ANK3: variants seen among roughly 807,000 people sequenced by gnomAD.
ANK3 encodes ankyrin-3.
ANK3 carries 57 observed loss-of-function variants against 370.9 expected under a neutral mutation model. The observed-to-expected ratio is 0.15, with a 90% CI of 0.12 to 0.19. ANK3 has a LOEUF of 0.19. Among genes scored for constraint, ANK3 ranks in the 10% least tolerant of loss-of-function variants. The pLI, the probability that ANK3 is intolerant of heterozygous loss-of-function variation, is 1.00. For missense variants in ANK3, 4,439 were observed against 5,302.1 expected, an observed-to-expected ratio of 0.84 and a Z score of 5.06; for synonymous variants, 1,929 against 1,946.3, an observed-to-expected ratio of 0.99 and a Z score of 0.23.
At chr10:60,477,258 C>T (rs375902531) in intron 2 of ANK3, among the ~76,000 whole-genome samples, 9 of 151,790 alleles carry the variant, frequency 5.9e-5, no homozygotes, top group East Asian at 3.9e-4. Context: ...GAGTAAGAAG[C>T]GTAAGGGGAA....
intron 1 of ANK3, among the ~76,000 whole-genome samples, chr10:60,649,306 C>CAA (rs35961217): frequency 0.01 from 1,527 of 150,770 alleles, 14 homozygotes; most frequent in East Asian, 0.021. Context: ...ACTGTATTAT[C>CAA]AAAAAAAAAT....
At position 60,186,881 on chromosome 10, in the gene ANK3, T is replaced by C; in HGVS notation, c.1919A>G (p.Lys640Arg). The C allele has an allele frequency of 2.5e-6, 4 of 1,614,164 alleles. No individual in the cohort carries two copies. Among genetic ancestry groups the C allele is most frequent in the Non-Finnish European group, 2.5e-6 (3 of 1,180,018 alleles). ...NGYTPLHIAA[K>R]KNQMDIATTL... ...TGTCGCTATGTCCATCTGGTTCTTTTTGGCAGCGATGTGCAGTGGCGTATA... is the reference window on the plus strand; with the variant it reads ...TGTCGCTATGTCCATCTGGTTCTTTCTGGCAGCGATGTGCAGTGGCGTATA... Residue 640 changes from lysine (K) to arginine (R), a missense_variant, in exon 17 of 44, where the codon AAA becomes AGA. Lys to Arg is a conservative substitution (Grantham distance 26). Transcript: ENST00000280772.
chr10:60,275,673 T>C (rs1354367897), intron 4 of ANK3, among the ~76,000 whole-genome samples: 3 of 152,126 alleles, frequency 2.0e-5, no homozygotes, highest in African/African-American at 4.8e-5. Context: ...TTTCCCACCA[T>C]AGGGAATATC....
At chr10:60,111,678 T>C (rs2092717918) in intron 26 of ANK3, 3 of 447,662 alleles carry the variant, frequency 6.7e-6, no homozygotes, top group Non-Finnish European at 1.3e-5. Context: ...ATGGCAAAAA[T>C]TCACATAAAT....
chr10:60,724,891 C>T (rs1291966994), intron 1 of ANK3, among the ~76,000 whole-genome samples: 1 of 152,126 alleles, frequency 6.6e-6, no homozygotes, highest in African/African-American at 2.4e-5. Context: ...CAAATAACAA[C>T]GTGTTGTCTA....
chr10:60,525,776 G>A (rs1039854303), intron 2 of ANK3, among the ~76,000 whole-genome samples: 10 of 152,072 alleles, frequency 6.6e-5, no homozygotes, highest in African/African-American at 1.2e-4. Context: ...CACATTATTC[G>A]TGTTATTGTG....
In ANK3 at chr10:60,218,097, C is replaced by CTT. The variant is rs199989242; in HGVS notation, c.898-4589_898-4588dup. Among the ~76,000 whole-genome samples the CTT allele has an allele frequency of 7.2e-3, 908 of 126,022 alleles. 11 individuals carry two copies. The highest frequency in any genetic ancestry group is 0.028 in the African/African-American group (869 of 31,308). The allele number at this position is 126,022 out of a possible 152,430, so 82.7% of individuals were successfully genotyped here. On this transcript the variant is annotated intron_variant, in intron 8 of 43. Transcript: ENST00000280772. ...CAACCCCTGCTTTTTCTTTTTCTTT[C>CTT]TTTTTTTTTTTTTTTTTTTTGCTTT...
At chr10:60,359,133 AGT>A (rs2058230841) in intron 1 of ANK3, among the ~76,000 whole-genome samples, 1 of 152,142 alleles carries the variant, frequency 6.6e-6, no homozygotes. Flanking sequence ...TGTGTAAAAC[AGT>A]GTCTGACACT....
intron 1 of ANK3, among the ~76,000 whole-genome samples, chr10:60,659,810 G>C (rs988841493): frequency 1.3e-5 from 2 of 152,078 alleles, no homozygotes; most frequent in Non-Finnish European, 2.9e-5. Context: ...TTAAGATCTA[G>C]AAAGCTTAAA....
chr10:60,206,191 G>A (rs1201147294), intron 10 of ANK3, among the ~76,000 whole-genome samples: 1 of 152,102 alleles, frequency 6.6e-6, no homozygotes, highest in Non-Finnish European at 1.5e-5. Context: ...ATATGTCTCA[G>A]GCTGGGTGTG....
intron 2 of ANK3, among the ~76,000 whole-genome samples, chr10:60,453,411 C>T (rs1388540991): frequency 2.0e-5 from 3 of 152,138 alleles, no homozygotes; most frequent in Non-Finnish European, 4.4e-5. Flanking sequence ...AATTTAAATA[C>T]ATTTTCCAGC....
chr10:60,682,946 A>G (rs931084923), intron 1 of ANK3, among the ~76,000 whole-genome samples: 5 of 152,212 alleles, frequency 3.3e-5, no homozygotes, highest in African/African-American at 1.2e-4. Flanking sequence ...CCAGTTGCTC[A>G]GAAGTTCCAG....
rs147078994 is a variant in ANK3, at chr10:60,292,862, C to G, written c.115-13223G>C. Among the ~76,000 whole-genome samples the G allele has an allele frequency of 5.3e-3, 802 of 152,154 alleles. 4 individuals carry two copies. The highest frequency in any genetic ancestry group is 0.01 in the South Asian group (49 of 4,806). ...AGCTGGAATTACAGGCACCCACAAC[C>G]ACGCCCGACTAATTTTTGTACTTTT... On this transcript the variant is annotated intron_variant, in intron 1 of 43. Coordinates refer to ENST00000280772, the MANE Select transcript of ANK3 (RefSeq NM_020987.5).
Position 60,070,926 on chromosome 10 carries a change from C to T in ANK3, c.9955G>A (p.Asp3319Asn), listed in dbSNP as rs370076710. The T allele has an allele frequency of 8.1e-6, 13 of 1,613,944 alleles. No individual in the cohort carries two copies. Among genetic ancestry groups the T allele is most frequent in the Admixed American group, 5.0e-5 (3 of 59,986 alleles). Residue 3319 changes from aspartate (D) to asparagine (N), a missense_variant, in exon 37 of 44, where the codon GAT (aspartate) becomes AAT (asparagine). Asp to Asn is a conservative substitution (Grantham distance 23). Around this residue, in one of 13 missense-constraint regions of ANK3, gnomAD observed 1,601 missense variants for 1,731.7 expected, o/e 0.92. Coordinates refer to ENST00000280772, the MANE Select transcript of ANK3 (RefSeq NM_020987.5). The surrounding 1 kb of genome is among the most constrained non-coding windows in gnomAD (Gnocchi z 5.7). ...PPGADVSDSS[D>N]DESIYQPVPV... Reference sequence around the variant, plus strand: ...ACTGGCTGATAAATAGATTCGTCATCGCTTGAATCACTGACGTCTGCCCCG... The same window carrying T: ...ACTGGCTGATAAATAGATTCGTCATTGCTTGAATCACTGACGTCTGCCCCG...
At chr10:60,637,563 A>G (rs1284977262) in intron 1 of ANK3, among the ~76,000 whole-genome samples, 1 of 152,188 alleles carries the variant, frequency 6.6e-6, no homozygotes, top group Admixed American at 6.5e-5. Flanking sequence ...AGCTGGATAT[A>G]TAAAACAAAG....
chr10:60,403,411 A>G (rs2063391366), intron 2 of ANK3, among the ~76,000 whole-genome samples: 1 of 152,226 alleles, frequency 6.6e-6, no homozygotes, highest in African/African-American at 2.4e-5. Context: ...TACACACCCC[A>G]GACTGATCTC....
At position 60,068,967 on chromosome 10, in the gene ANK3, T is replaced by A; in HGVS notation, c.11914A>T (p.Thr3972Ser). 2 of 1,613,628 alleles carry A rather than the reference T, an allele frequency of 1.2e-6. No individual in the cohort carries two copies. Among genetic ancestry groups the A allele is most frequent in the Non-Finnish European group, 1.7e-6 (2 of 1,179,872 alleles). The change falls in exon 37 of 44, where the codon ACC becomes TCC. Residue 3972 changes from threonine (T) to serine (S), a missense_variant. This residue lies in a region of ANK3 where 496 missense variants were observed against 529.3 expected (regional missense o/e 0.94). Transcript: ENST00000280772. Reference protein sequence around the residue: ...TTTTATTTTTTTTTTTTSCTV... With the variant: ...TTTTATTTTTSTTTTTTSCTV... ...CAGCTGGTGGTGGTGGTAGTGGTGGTAGTGGTGGTGGTGGTGGCAGTGGTG... is the reference window on the plus strand; with the variant it reads ...CAGCTGGTGGTGGTGGTAGTGGTGGAAGTGGTGGTGGTGGTGGCAGTGGTG...
intron 1 of ANK3, among the ~76,000 whole-genome samples, chr10:60,693,161 G>A (rs923789724): frequency 8.5e-5 from 13 of 152,126 alleles, no homozygotes; most frequent in Non-Finnish European, 1.3e-4. Flanking sequence ...CTGGAAAATC[G>A]GGTCACTCCC....
intron 1 of ANK3, among the ~76,000 whole-genome samples, chr10:60,380,084 A>AT (rs1277054016): frequency 6.6e-6 from 1 of 152,088 alleles, no homozygotes; most frequent in South Asian, 2.1e-4. Context: ...TCATATTTAT[A>AT]TTTTTTATTT....
Sources: allele counts gnomAD v4.1 joint callset (sites outside exome capture counted in the v4.1 genomes callset), GRCh38; gene constraint gnomAD v4.1.1; regional missense constraint gnomAD v4.1.1; non-coding constraint Gnocchi (gnomAD v3.1); transcripts MANE v1.5; gene names NCBI Gene and HGNC (gene_info 2026-07-23, HGNC 2026-07-21).